Variants in SETMAR observed in about 807,000 individuals in gnomAD.
The protein encoded by SETMAR is histone-lysine N-methyltransferase SETMAR.
Under a neutral mutation model 58.4 loss-of-function variants are expected in SETMAR, and 44 were observed. The observed-to-expected ratio is 0.75, with a 90% confidence interval of 0.59 to 0.97. The LOEUF is 0.97. SETMAR is among the 50% of genes least tolerant of loss of function. SETMAR has a pLI of 0.00. For missense variants in SETMAR, 903 were observed against 840.2 expected (o/e 1.07, Z -0.92); for synonymous variants, 332 against 307.4 (o/e 1.08, Z -0.84).
chr3:4,304,718 T>C (rs1206067396), intron 1 of SETMAR, among the ~76,000 whole-genome samples: 1 of 152,112 alleles, frequency 6.6e-6, no homozygotes, highest in Non-Finnish European at 1.5e-5. Flanking sequence ...TCAGATAAGA[T>C]AAGAGATTCA....
At chr3:4,315,516 T>C (rs1334447105) in intron 2 of SETMAR, among the ~76,000 whole-genome samples, 1 of 152,140 alleles carries the variant, frequency 6.6e-6, no homozygotes, top group East Asian at 1.9e-4. Context: ...TTTTTTGTCC[T>C]CAGGCACTAG....
At chr3:4,309,914 G>A (rs908094353) in intron 1 of SETMAR, among the ~76,000 whole-genome samples, 9 of 152,092 alleles carry the variant, frequency 5.9e-5, no homozygotes, top group Non-Finnish European at 8.8e-5. Flanking sequence ...AGACAATTTC[G>A]TCATTATGCA....
At chr3:4,314,694 G>A (rs945582323) in intron 2 of SETMAR, among the ~76,000 whole-genome samples, 2 of 152,120 alleles carry the variant, frequency 1.3e-5, no homozygotes, top group South Asian at 2.1e-4. Flanking sequence ...AGAAGGAGAC[G>A]GGAGTTTTAT....
Position 4,316,675 on chromosome 3 carries a change from G to C in SETMAR, c.1484G>C (p.Cys495Ser). The change falls in exon 3 of 3, where the codon TGT becomes TCT. Residue 495 changes from cysteine (C) to serine (S), a missense_variant. Transcript: ENST00000358065. ...NEPFLDRIVTCDEKWILYDNR... is the reference protein window; with the variant it reads ...NEPFLDRIVTSDEKWILYDNR... ...CCATTTCTCGATCGGATTGTGACGT[G>C]TGATGAAAAGTGGATTTTATATGAC... 1 of 1,551,202 alleles carries C rather than the reference G, an allele frequency of 6.4e-7. No individual in the cohort carries two copies. Among genetic ancestry groups the C allele is most frequent in the Non-Finnish European group, 8.7e-7 (1 of 1,146,780 alleles).
At position 4,316,733 on chromosome 3, in the gene SETMAR, A is replaced by G; in HGVS notation, c.1542A>G (p.Gln514=). The G allele has an allele frequency of 6.4e-7, 1 of 1,550,918 alleles. No individual in the cohort carries two copies. The highest frequency in any genetic ancestry group is 8.7e-7 in the Non-Finnish European group (1 of 1,146,774). Residue 514 remains glutamine (Q), a synonymous_variant, in exon 3 of 3, where the codon CAA becomes CAG. Coordinates refer to ENST00000358065, the MANE Select transcript of SETMAR (RefSeq NM_006515.4). The stretch of plus-strand genomic sequence containing the variant: ...GACGATCAGCTCAGTGGTTGGATCA[A>G]GAAGAAGCTCCAAAGCACTTCCCAA... The part of the protein sequence containing the change: ...NRRRSAQWLD[Q]EEAPKHFPKP...
In SETMAR at chr3:4,316,300, G is replaced by C; in HGVS notation, c.1109G>C (p.Arg370Pro). The C allele has an allele frequency of 9.2e-7, 1 of 1,089,750 alleles. No individual in the cohort carries two copies. The highest frequency in any genetic ancestry group is 1.4e-6 in the Non-Finnish European group (1 of 739,570). The allele number at this position is 1,089,750 out of a possible 1,614,324, so 67.5% of individuals were successfully genotyped here. The part of the protein sequence containing the change: ...KMGRKAAETT[R>P]NINNAFGPGT... Reference sequence around the variant, plus strand: ...GGTCGTAAAGCAGCAGAAACAACTCGCAACATCAACAATGCATTTGGCCCA... The same window carrying C: ...GGTCGTAAAGCAGCAGAAACAACTCCCAACATCAACAATGCATTTGGCCCA... Residue 370 changes from arginine to proline, a missense_variant, in exon 3 of 3, where the codon CGC (arginine) becomes CCC (proline). Arg to Pro is a moderately radical substitution (Grantham distance 103, BLOSUM62 -2). Coordinates refer to ENST00000358065, the MANE Select transcript of SETMAR (RefSeq NM_006515.4).
chr3:4,316,400 G>C lies in SETMAR; in HGVS notation c.1209G>C (p.Glu403Asp). The change falls in exon 3 of 3, where the codon GAG (glutamate) becomes GAC (aspartate). Residue 403 changes from glutamate to aspartate, a missense_variant. Transcript: ENST00000358065. ...FCKGDESLED[E>D]ERSGRPSEVD... ...AAGGAGATGAGAGCCTTGAAGATGA[G>C]GAGCGTAGTGGCCGGCCATCAGAAG... The C allele has an allele frequency of 1.3e-6, 2 of 1,571,428 alleles. No individual in the cohort carries two copies. Among genetic ancestry groups the C allele is most frequent in the Non-Finnish European group, 1.7e-6 (2 of 1,158,526 alleles).
chr3:4,312,134 C>G (rs533969364), intron 1 of SETMAR, among the ~76,000 whole-genome samples: 1 of 152,018 alleles, frequency 6.6e-6, no homozygotes, highest in Non-Finnish European at 1.5e-5. Flanking sequence ...CTAGTAATAT[C>G]TATTTAAGAA....
In SETMAR at chr3:4,305,486, G is replaced by A. The variant is rs1038456155; in HGVS notation, c.156+1960G>A. Among the ~76,000 whole-genome samples, 17 of 152,072 alleles carry A rather than the reference G, an allele frequency of 1.1e-4. No individual in the cohort carries two copies. In the Middle Eastern group the frequency reaches 9.5e-3, roughly 85 times the overall value. On this transcript the variant is annotated intron_variant, in intron 1 of 2. Coordinates refer to ENST00000358065, the MANE Select transcript of SETMAR (RefSeq NM_006515.4). Reference sequence around the variant, plus strand: ...CTTATCTAACTTAAAAAGGTGCCTCGGTCTTAGTTGATTATCTCCTTGTTG... The same window carrying A: ...CTTATCTAACTTAAAAAGGTGCCTCAGTCTTAGTTGATTATCTCCTTGTTG...
At chr3:4,312,286 G>T (rs2125095287) in intron 1 of SETMAR, among the ~76,000 whole-genome samples, 1 of 152,074 alleles carries the variant, frequency 6.6e-6, no homozygotes, top group African/African-American at 2.4e-5. Context: ...CAAAAGCTAA[G>T]GATAAAATGC....
chr3:4,308,489 A>G (rs1280391846), intron 1 of SETMAR, among the ~76,000 whole-genome samples: 1 of 152,240 alleles, frequency 6.6e-6, no homozygotes, highest in Non-Finnish European at 1.5e-5. Context: ...AATTGAAAGA[A>G]GCCAATATTT....
rs1006929559 is a variant in SETMAR at position 4,303,831 on chromosome 3, G to C, written c.156+305G>C. The C allele has an allele frequency of 9.6e-6, 13 of 1,356,624 alleles. No individual in the cohort carries two copies. In the Admixed American group the frequency reaches 1.8e-4, roughly 19 times the overall value. The allele number at this position is 1,356,624 out of a possible 1,614,324, so 84.0% of individuals were successfully genotyped here. On this transcript the variant is annotated intron_variant, in intron 1 of 2. Coordinates refer to ENST00000358065, the MANE Select transcript of SETMAR (RefSeq NM_006515.4). ...AGAACTCAAGGAGGCATCACGGGGG[G>C]AGTCATTTACCTCCCTGGTCTCAGG...
chr3:4,315,440 A>G (rs1181398578), intron 2 of SETMAR, among the ~76,000 whole-genome samples: 1 of 152,196 alleles, frequency 6.6e-6, no homozygotes, highest in East Asian at 1.9e-4. Flanking sequence ...AGACAAGGAC[A>G]CAAACAGCCC....
rs772196355 is a variant in SETMAR, at chr3:4,313,640, T to C, written c.899T>C (p.Phe300Ser). ...GAKSCTAFLP[F>S]DSSLYCPVEK... ...AAATCATGTACTGCTTTCCTGCCTT[T>C]TGACAGTTCTCTGTACTGCCCCGTA... is the stretch of plus-strand genomic sequence containing the variant. The change falls in exon 2 of 3, where the codon TTT (phenylalanine) becomes TCT (serine). Residue 300 changes from phenylalanine (F) to serine (S), a missense_variant. Transcript: ENST00000358065. 2.5e-6 allele frequency: 4 copies of C among 1,614,112 alleles called. No homozygotes were observed. The Admixed American group carries it at 6.7e-5, about 27-fold the overall frequency.
chr3:4,303,681 C>G, intron 1 of SETMAR, 155 bp downstream of exon 1: 1 of 1,497,188 alleles, frequency 6.7e-7, no homozygotes. Context: ...CATGCCCCGG[C>G]CTGGGCCTTT....
intron 1 of SETMAR, chr3:4,303,798 C>T: frequency 7.1e-7 from 1 of 1,412,738 alleles, no homozygotes; most frequent in Non-Finnish European, 9.4e-7. Flanking sequence ...TTGTCCAGTC[C>T]TGTCCTCAGA....
chr3:4,314,180 A>G (rs751625070), intron 2 of SETMAR: 30 of 203,962 alleles, frequency 1.5e-4, no homozygotes, highest in Non-Finnish European at 2.6e-4. Flanking sequence ...AAAGGAGTCT[A>G]GGTGTCTGGT....
chr3:4,306,814 C>T (rs765488434), intron 1 of SETMAR, among the ~76,000 whole-genome samples: 4 of 152,200 alleles, frequency 2.6e-5, no homozygotes, highest in Non-Finnish European at 5.9e-5. Context: ...GTCTGTTTTG[C>T]CTTTGGCTAC....
At chr3:4,311,298 A>G (rs1698395237) in intron 1 of SETMAR, among the ~76,000 whole-genome samples, 1 of 152,142 alleles carries the variant, frequency 6.6e-6, no homozygotes, top group African/African-American at 2.4e-5. Context: ...ATACCTTTCT[A>G]AAGCCTGGCC....
Sources: allele counts gnomAD v4.1 joint callset (sites outside exome capture counted in the v4.1 genomes callset), GRCh38; gene constraint gnomAD v4.1.1; transcripts MANE v1.5; gene names NCBI Gene and HGNC (gene_info 2026-07-23, HGNC 2026-07-21).